HTT: variants seen among roughly 807,000 people sequenced by gnomAD.
The protein encoded by HTT is huntingtin.
HTT carries 104 observed loss-of-function variants against 362.3 expected under a neutral mutation model. The observed-to-expected ratio is 0.29, with a 90% confidence interval of 0.24 to 0.34. HTT has a LOEUF of 0.34. Ranked by LOEUF, HTT falls within the 10% of genes least tolerant of loss-of-function variation. HTT has a pLI of 1.00. For missense variants in HTT, 3,301 were observed against 3,928.6 expected (o/e 0.84, Z 4.27); for synonymous variants, 1,577 against 1,548.7 (o/e 1.02, Z -0.43).
chr4:3,140,540 C>A lies in HTT; in HGVS notation c.2829C>A (p.Asp943Glu), dbSNP rs754444814. Residue 943 changes from aspartate (D) to glutamate (E), a missense_variant, in exon 22 of 67, where the codon GAC becomes GAA. By Grantham distance (45) the Asp-to-Glu change is conservative. This residue lies in a region of HTT where 2,316 missense variants were observed against 2,658.5 expected (regional missense o/e 0.87). Transcript: ENST00000355072. ...RLVPKLFYKCDQGQADPVVAV... is the reference protein window; with the variant it reads ...RLVPKLFYKCEQGQADPVVAV... ...TCCCAAAGCTGTTTTATAAATGTGA[C>A]CAAGGACAAGCTGATCCAGTAGTGG... 1.2e-6 allele frequency: 2 copies of A among 1,614,098 alleles called. No homozygotes were observed. Among genetic ancestry groups the A allele is most frequent in the South Asian group, 2.2e-5 (2 of 91,072 alleles).
At chr4:3,197,144 T>A (rs2110258933) in intron 40 of HTT, among the ~76,000 whole-genome samples, 1 of 152,322 alleles carries the variant, frequency 6.6e-6, no homozygotes, top group South Asian at 2.1e-4. Context: ...CTTAATTGAT[T>A]GTGTTCCTCG....
At chr4:3,149,967 T>C (rs1418079278) in intron 26 of HTT, among the ~76,000 whole-genome samples, 1 of 152,178 alleles carries the variant, frequency 6.6e-6, no homozygotes, top group East Asian at 1.9e-4. Flanking sequence ...TGCCTTTCCC[T>C]CTTTGTATCC....
intron 57 of HTT, among the ~76,000 whole-genome samples, chr4:3,226,170 G>T (rs1183620731): frequency 6.6e-6 from 1 of 152,006 alleles, no homozygotes; most frequent in Non-Finnish European, 1.5e-5. Flanking sequence ...GTGTCCCTGG[G>T]GCCAGCTCTT....
chr4:3,234,814 T>C (rs146101563), intron 61 of HTT, among the ~76,000 whole-genome samples: 12 of 152,288 alleles, frequency 7.9e-5, no homozygotes, highest in Non-Finnish European at 1.8e-4. Flanking sequence ...CAGTGGCCAC[T>C]CATTCAGTCC....
Position 3,214,061 on chromosome 4 carries a change from G to T in HTT, c.6878G>T (p.Ser2293Ile), listed in dbSNP as rs1194499045. The T allele has an allele frequency of 6.5e-5, 104 of 1,609,440 alleles. No individual in the cohort carries two copies. Among genetic ancestry groups the T allele is most frequent in the Non-Finnish European group, 8.7e-5 (103 of 1,177,754 alleles). Residue 2293 changes from serine (S) to isoleucine (I), a missense_variant, in exon 50 of 67, where the codon AGC (serine) becomes ATC (isoleucine). By Grantham distance (142) the Ser-to-Ile change is moderately radical (BLOSUM62 -2). Transcript: ENST00000355072. ...CLALQLPGLW[S>I]VVSSTEFVTH... Reference sequence around the variant, plus strand: ...GCCCTGCAGCTGCCTGGCCTCTGGAGCGTGGTCTCCTCCACAGAGTTTGTG... The same window carrying T: ...GCCCTGCAGCTGCCTGGCCTCTGGATCGTGGTCTCCTCCACAGAGTTTGTG...
At chr4:3,168,484 C>A (rs1158852377) in intron 29 of HTT, among the ~76,000 whole-genome samples, 1 of 152,182 alleles carries the variant, frequency 6.6e-6, no homozygotes, top group Admixed American at 6.5e-5. Flanking sequence ...AATAGCAACA[C>A]TAGGAATAAA....
intron 2 of HTT, among the ~76,000 whole-genome samples, chr4:3,095,392 G>A (rs989402453): frequency 6.6e-6 from 1 of 152,360 alleles, no homozygotes; most frequent in East Asian, 1.9e-4. Context: ...CAGACATGGC[G>A]GTGCGTGCCT....
In HTT at chr4:3,074,922, CA is replaced by C. The variant is rs1712400474; in HGVS notation, c.98del (p.Gln33ArgfsTer68). The C allele has an allele frequency of 2.7e-5, 40 of 1,466,008 alleles. No homozygotes were observed. The East Asian group carries it at 1.1e-3, about 40-fold the overall frequency. The allele number at this position is 1,466,008 out of a possible 1,614,324, so 90.8% of individuals were successfully genotyped here. A position where few individuals can be genotyped will look rare whatever the true frequency, so the allele number is the denominator to read the frequency against. On this transcript the variant is annotated frameshift_variant, in exon 1 of 67. Coordinates refer to ENST00000355072, the MANE Select transcript of HTT (RefSeq NM_001388492.1). LOFTEE classifies it high-confidence loss of function. ...QQQQQQQQQQ[Q>X]QQQQQPPPPP... The stretch of plus-strand genomic sequence containing the variant: ...GCAGCAGCAGCAGCAGCAGCAGCAG[CA>C]GCAGCAGCAGCAACAGCCGCCACCG...
At chr4:3,200,815 T>C (rs755267100) in intron 41 of HTT, among the ~76,000 whole-genome samples, 2 of 152,348 alleles carry the variant, frequency 1.3e-5, no homozygotes, top group Middle Eastern at 3.4e-3. Flanking sequence ...TTTGAAATGC[T>C]TGGTGGATGT....
At chr4:3,180,456 A>G (rs1444926783) in intron 35 of HTT, 59 bp from the exon 36 acceptor site, 1 of 1,459,282 alleles carries the variant, frequency 6.9e-7, no homozygotes, top group Non-Finnish European at 9.2e-7. Flanking sequence ...TGTTGAGAGC[A>G]GTTTTCCAAA....
intron 7 of HTT, 30 bp from the exon 8 acceptor site, chr4:3,116,055 T>C (rs1282304744): frequency 6.3e-7 from 1 of 1,580,654 alleles, no homozygotes; most frequent in South Asian, 1.1e-5. Context: ...GTGAGTCAGA[T>C]GTTAAGATGT....
chr4:3,200,166 C>T (rs769834487), intron 41 of HTT, among the ~76,000 whole-genome samples: 5 of 152,156 alleles, frequency 3.3e-5, no homozygotes, highest in African/African-American at 4.8e-5. Context: ...TTTCTAAATG[C>T]GATTTTCTTT....
chr4:3,086,268 G>A (rs1382262180), intron 1 of HTT, among the ~76,000 whole-genome samples: 1 of 152,216 alleles, frequency 6.6e-6, no homozygotes, highest in Non-Finnish European at 1.5e-5. Context: ...GTGAAATACA[G>A]AGGAGATTTA....
Position 3,199,873 on chromosome 4 carries a change from G to T in HTT, c.5510G>T (p.Cys1837Phe). Residue 1837 changes from cysteine (C) to phenylalanine (F), a missense_variant, in exon 41 of 67, where the codon TGT (cysteine) becomes TTT (phenylalanine). This residue lies in a region of HTT where 2,316 missense variants were observed against 2,658.5 expected (regional missense o/e 0.87). Coordinates refer to ENST00000355072, the MANE Select transcript of HTT (RefSeq NM_001388492.1). The part of the protein sequence containing the change: ...TTHPALVLLW[C>F]QILLLVNHTD... ...CACCCGGCCCTGGTGCTGCTCTGGTGTCAGATACTGCTGCTTGTCAACCAC... is the reference window on the plus strand; with the variant it reads ...CACCCGGCCCTGGTGCTGCTCTGGTTTCAGATACTGCTGCTTGTCAACCAC... 1 of 1,614,186 alleles carries T rather than the reference G, an allele frequency of 6.2e-7. No homozygotes were observed. The highest frequency in any genetic ancestry group is 8.5e-7 in the Non-Finnish European group (1 of 1,180,050).
chr4:3,148,230 G>A (rs759057055), intron 26 of HTT, 23 bp downstream of exon 26: 7 of 1,498,758 alleles, frequency 4.7e-6, no homozygotes, highest in Non-Finnish European at 5.4e-6. Flanking sequence ...TTGGGTGCTG[G>A]ATTCATACAG....
intron 44 of HTT, 123 bp from the exon 45 acceptor site, chr4:3,207,157 AT>A (rs1719904244): frequency 1.9e-6 from 2 of 1,062,588 alleles, no homozygotes; most frequent in Non-Finnish European, 1.4e-6. Flanking sequence ...TGTTTCTTGT[AT>A]TTTTTTCTAG....
rs541549626 is a variant in HTT at position 3,080,224 on chromosome 4, A to C, written c.263+5136A>C. On this transcript the variant is annotated intron_variant, in intron 1 of 66. Transcript: ENST00000355072. ...ATTCTTCTGCCTCAGCCTCCCAAGT[A>C]ACTGGGATTACAGGCGTATACCACC... 2.2e-3 allele frequency among the ~76,000 whole-genome samples: 341 copies of C among 152,068 alleles called. 1 individual carries two copies. Among genetic ancestry groups the C allele is most frequent in the Non-Finnish European group, 3.8e-3 (260 of 67,994 alleles).
At position 3,220,149 on chromosome 4, in the gene HTT, T is replaced by C. The variant is rs374971623; in HGVS notation, c.7243-33T>C. 471 of 1,613,332 alleles carry C rather than the reference T, an allele frequency of 2.9e-4. 2 individuals carry two copies. The highest frequency in any genetic ancestry group is 3.7e-4 in the Non-Finnish European group (440 of 1,179,480). ...CACAGTATGTCTGTCCTGACTCAACTCGGATGATGTCACTTCCTTTTCATC... is the reference window on the plus strand; with the variant it reads ...CACAGTATGTCTGTCCTGACTCAACCCGGATGATGTCACTTCCTTTTCATC... On this transcript the variant is annotated intron_variant, in intron 52 of 66. Coordinates refer to ENST00000355072, the MANE Select transcript of HTT (RefSeq NM_001388492.1).
intron 23 of HTT, among the ~76,000 whole-genome samples, chr4:3,143,672 C>T (rs1258311273): frequency 1.9e-4 from 29 of 150,456 alleles, no homozygotes; most frequent in Non-Finnish European, 2.4e-4. Context: ...GGCATGATCT[C>T]AGCTCACCAC....
Sources: allele counts gnomAD v4.1 joint callset (sites outside exome capture counted in the v4.1 genomes callset), GRCh38; gene constraint gnomAD v4.1.1; regional missense constraint gnomAD v4.1.1; transcripts MANE v1.5; gene names NCBI Gene and HGNC (gene_info 2026-07-23, HGNC 2026-07-21).